NAV1: variants seen among roughly 807,000 people sequenced by gnomAD.
NAV1 encodes pore membrane and/or filament interacting like protein 3.
A neutral mutation model predicts 175.2 loss-of-function variants in NAV1; 18 were observed. The observed-to-expected ratio is 0.10, with a 90% confidence interval of 0.07 to 0.15. NAV1 has a LOEUF of 0.15. NAV1 is among the 10% of genes least tolerant of loss of function. The pLI is 1.00. For missense variants in NAV1, 1,731 were observed against 2,436.6 expected (o/e 0.71, Z 6.10); for synonymous variants, 897 against 978.7 (o/e 0.92, Z 1.56).
intron 2 of NAV1, among the ~76,000 whole-genome samples, chr1:201,608,343 G>T (rs891805427): frequency 6.6e-6 from 1 of 152,156 alleles, no homozygotes; most frequent in Non-Finnish European, 1.5e-5. Flanking sequence ...TGATCTGCAC[G>T]GCCTGCGAGT....
At chr1:201,715,118 G>A (rs1418821353) in intron 2 of NAV1, among the ~76,000 whole-genome samples, 2 of 150,936 alleles carry the variant, frequency 1.3e-5, no homozygotes, top group Non-Finnish European at 1.5e-5. Flanking sequence ...TATTATTCCT[G>A]TTCCACACTG....
chr1:201,692,456 T>C (rs1286796904), intron 1 of NAV1, among the ~76,000 whole-genome samples: 1 of 152,240 alleles, frequency 6.6e-6, no homozygotes, highest in Non-Finnish European at 1.5e-5. Context: ...AATATATATG[T>C]CTGCCTTTCC....
chr1:201,781,265 C>A (rs1676306142), exon 5 of NAV1: 1 of 1,613,658 alleles, frequency 6.2e-7, no homozygotes, highest in Admixed American at 1.7e-5. Flanking sequence ...GTGGCTGTAA[C>A]TTCCCCCATC....
intron 15 of NAV1, chr1:201,795,535 G>C (rs1677387263): frequency 6.6e-6 from 1 of 152,044 alleles, no homozygotes; most frequent in African/African-American, 2.4e-5. Context: ...GCTCTTGTAT[G>C]TTAAAGGGGA....
At chr1:201,821,170 G>A (rs1340078025) in exon 30 of NAV1, 1 of 152,730 alleles carries the variant, frequency 6.5e-6, no homozygotes, top group South Asian at 2.1e-4. Flanking sequence ...AGGAAAACCA[G>A]AAAACTGAAA....
chr1:201,822,009 A>C (rs1205062377), exon 30 of NAV1: 1 of 152,658 alleles, frequency 6.6e-6, no homozygotes, highest in African/African-American at 2.4e-5. Context: ...CTGAATCTTC[A>C]TATCGGTATA....
chr1:201,816,875 C>T lies in NAV1; in HGVS notation c.5341-213C>T, dbSNP rs1004746440. On this transcript the variant is annotated intron_variant, in intron 28 of 29. Transcript: ENST00000367296. ...TTTTAGTAGAAACAGGGTTTCACCA[C>T]GTTGGCCAGGCTGGTCTTGAACTTC... 9.2e-5 allele frequency: 51 copies of T among 554,342 alleles called. No individual in the cohort carries two copies. In the South Asian group the frequency reaches 1.1e-3, roughly 12 times the overall value. 34.3% of individuals were successfully genotyped at this position (554,342 alleles called of 1,614,324 possible). A position where few individuals can be genotyped will look rare whatever the true frequency, so the allele number is the denominator to read the frequency against.
At chr1:201,769,449 G>A (rs567679590) in intron 3 of NAV1, among the ~76,000 whole-genome samples, 8 of 152,206 alleles carry the variant, frequency 5.3e-5, no homozygotes, top group East Asian at 1.9e-4. Flanking sequence ...CTCTTTTACC[G>A]CTCTGCCCCA....
intron 2 of NAV1, among the ~76,000 whole-genome samples, chr1:201,605,647 G>T (rs17429725): frequency 0.042 from 6,416 of 152,306 alleles, 149 homozygotes; most frequent in Middle Eastern, 0.068. Context: ...CTGTGGGTCA[G>T]TTCAGGAAGG....
At chr1:201,574,955 A>G (rs1001641759) in intron 1 of NAV1, among the ~76,000 whole-genome samples, 5 of 152,136 alleles carry the variant, frequency 3.3e-5, no homozygotes, top group Middle Eastern at 3.4e-3. Context: ...GAGGCCCCAC[A>G]CTCTCTAACA....
intron 1 of NAV1, among the ~76,000 whole-genome samples, chr1:201,712,188 C>T (rs1671935543): frequency 6.6e-6 from 1 of 152,206 alleles, no homozygotes; most frequent in Non-Finnish European, 1.5e-5. Context: ...CCTGGGACCC[C>T]ATAGAGCAAC....
At chr1:201,635,590 T>A (rs1668598662) in intron 2 of NAV1, among the ~76,000 whole-genome samples, 3 of 152,312 alleles carry the variant, frequency 2.0e-5, no homozygotes, top group South Asian at 4.1e-4. Context: ...CCTCATGACA[T>A]TCCTGGGACT....
chr1:201,686,422 A>G (rs1481855777), intron 1 of NAV1, among the ~76,000 whole-genome samples: 2 of 152,178 alleles, frequency 1.3e-5, no homozygotes, highest in Non-Finnish European at 2.9e-5. Flanking sequence ...GTCTGATTAA[A>G]CTATAGGACA....
Position 201,812,881 on chromosome 1 carries a change from A to G in NAV1, c.5221+220A>G, listed in dbSNP as rs773645620. On this transcript the variant is annotated intron_variant, in intron 27 of 29. Coordinates refer to ENST00000367296, the Ensembl canonical transcript of NAV1. The surrounding 1 kb of genome is among the most constrained non-coding windows in gnomAD (Gnocchi z 4.6). The stretch of plus-strand genomic sequence containing the variant: ...CCCCTCTCCTTGTTTTTTTCCCACA[A>G]TTAACAGAAAAAAGGAGGCACATAT... 2.6e-4 allele frequency among the ~76,000 whole-genome samples: 40 copies of G among 152,110 alleles called. No homozygotes were observed. Among genetic ancestry groups the G allele is most frequent in the South Asian group, 1.0e-3 (5 of 4,826 alleles).
chr1:201,721,430 A>G (rs1419354922), intron 3 of NAV1, among the ~76,000 whole-genome samples: 1 of 152,220 alleles, frequency 6.6e-6, no homozygotes, highest in African/African-American at 2.4e-5. Context: ...TTTCATGGTT[A>G]AGTGTTGTTG....
chr1:201,699,035 A>G lies in NAV1; in HGVS notation c.758-13782A>G, dbSNP rs79646214. ...AGAAGAGCCAGTGATGGCACAAGAC[A>G]GGGATGCCCTCTCTCACCGCTCCTA... On this transcript the variant is annotated intron_variant, in intron 1 of 29. Coordinates refer to ENST00000367296, the Ensembl canonical transcript of NAV1. 3.3e-3 allele frequency among the ~76,000 whole-genome samples: 500 copies of G among 152,354 alleles called. 3 individuals carry two copies. The East Asian group carries it at 0.039, about 12-fold the overall frequency.
intron 1 of NAV1, among the ~76,000 whole-genome samples, chr1:201,710,485 C>T (rs1237565905): frequency 6.6e-6 from 1 of 151,998 alleles, no homozygotes; most frequent in Non-Finnish European, 1.5e-5. Flanking sequence ...ACAGGATCTC[C>T]CTGTGTTGCC....
chr1:201,813,041 C>A lies in NAV1; in HGVS notation c.5222-99C>A. The A allele has an allele frequency of 1.2e-6, 1 of 841,730 alleles. No homozygotes were observed. Among genetic ancestry groups the A allele is most frequent in the Non-Finnish European group, 1.9e-6 (1 of 519,784 alleles). 52.1% of individuals were successfully genotyped at this position (841,730 alleles called of 1,614,324 possible). A position where few individuals can be genotyped will look rare whatever the true frequency, so the allele number is the denominator to read the frequency against. On this transcript the variant is annotated intron_variant, in intron 27 of 29. Transcript: ENST00000367296. The surrounding 1 kb of genome is among the most constrained non-coding windows in gnomAD (Gnocchi z 4.2). ...CTCTAAATTTCCTTTAATCCTTTGA[C>A]TGTCAGACCCCTCTGCCTGGTACTA...
intron 1 of NAV1, chr1:201,673,679 C>G (rs559139012): frequency 4.6e-5 from 7 of 152,186 alleles, no homozygotes; most frequent in Admixed American, 1.3e-4. Flanking sequence ...AGACCCAGAT[C>G]GTTAACAAGG....
Sources: allele counts gnomAD v4.1 joint callset (sites outside exome capture counted in the v4.1 genomes callset), GRCh38; gene constraint gnomAD v4.1.1; non-coding constraint Gnocchi (gnomAD v3.1); transcripts MANE v1.5; gene names NCBI Gene and HGNC (gene_info 2026-07-23, HGNC 2026-07-21).